The following PDE4D variants were observed in gnomAD, a reference collection of about 807,000 sequenced individuals.
PDE4D encodes the protein phosphodiesterase 4D, also known as 3',5'-cyclic-AMP phosphodiesterase 4D.
In PDE4D, 24 loss-of-function variants were observed where a neutral mutation model predicts 87.4. The observed-to-expected ratio is 0.27, with a 90% CI of 0.20 to 0.39. The LOEUF is 0.39. Ranked by LOEUF, PDE4D falls within the 10% of genes least tolerant of loss-of-function variation. The probability of loss-of-function intolerance (pLI) is 1.00; values close to 1 mark genes in which losing one functional copy is unlikely to be tolerated. For missense variants in PDE4D, 714 were observed against 1,041.0 expected (o/e 0.69, Z 4.32); for synonymous variants, 384 against 383.2 (o/e 1.00, Z -0.02).
intron 7 of PDE4D, among the ~76,000 whole-genome samples, chr5:58,992,492 G>A (rs989254697): frequency 6.6e-6 from 1 of 152,104 alleles, no homozygotes; most frequent in African/African-American, 2.4e-5. Context: ...AACTGAAATG[G>A]GTAACACTGT....
intron 2 of PDE4D, among the ~76,000 whole-genome samples, chr5:60,041,874 G>A (rs1277757935): frequency 6.6e-6 from 1 of 151,418 alleles, no homozygotes; most frequent in Non-Finnish European, 1.5e-5. Flanking sequence ...CAACTGGGTG[G>A]CTGTTTGGGC....
At chr5:59,867,704 G>C (rs1411725978) in intron 1 of PDE4D, among the ~76,000 whole-genome samples, 12 of 152,170 alleles carry the variant, frequency 7.9e-5, no homozygotes, top group Admixed American at 7.9e-4. Flanking sequence ...CAGGAGTCTG[G>C]TGAAATTATG....
intron 1 of PDE4D, among the ~76,000 whole-genome samples, chr5:59,296,113 G>A (rs954270121): frequency 6.6e-6 from 1 of 152,046 alleles, no homozygotes; most frequent in Non-Finnish European, 1.5e-5. Context: ...AAACAAGTTT[G>A]GGGTCGGGGT....
chr5:60,200,043 G>A (rs985572199), intron 1 of PDE4D, among the ~76,000 whole-genome samples: 3 of 151,558 alleles, frequency 2.0e-5, no homozygotes, highest in African/African-American at 7.3e-5. Flanking sequence ...TTGGAAAATG[G>A]CACATGAACC....
intron 2 of PDE4D, chr5:60,127,621 T>C (rs992714474): frequency 4.6e-5 from 25 of 549,248 alleles, no homozygotes; most frequent in Non-Finnish European, 7.1e-5. Flanking sequence ...AAGAATTGGA[T>C]GACTGTTGAT....
At chr5:59,903,826 C>T (rs1044772412) in intron 3 of PDE4D, among the ~76,000 whole-genome samples, 5 of 152,058 alleles carry the variant, frequency 3.3e-5, no homozygotes, top group African/African-American at 1.2e-4. Flanking sequence ...CTGCAGTGTC[C>T]CAATACCTAG....
chr5:60,133,283 T>TTA (rs1779744146), intron 2 of PDE4D, among the ~76,000 whole-genome samples: 1 of 152,154 alleles, frequency 6.6e-6, no homozygotes, highest in Non-Finnish European at 1.5e-5. Context: ...TAGATATGGG[T>TTA]TAGAGTTCAT....
Position 59,093,523 on chromosome 5 carries a change from G to A in PDE4D, c.809-54552C>T, listed in dbSNP as rs545446385. On this transcript the variant is annotated intron_variant, in intron 5 of 14. Coordinates refer to ENST00000340635, the MANE Select transcript of PDE4D (RefSeq NM_001104631.2). ...GTTATATGCCCCAGGCGCAAATCTC[G>A]CAGGCAGAAAGTGGGGTACCCCCTA... Among the ~76,000 whole-genome samples, 11 of 152,292 alleles carry A rather than the reference G, an allele frequency of 7.2e-5. No individual in the cohort carries two copies. The South Asian group carries it at 2.3e-3, about 32-fold the overall frequency.
intron 1 of PDE4D, among the ~76,000 whole-genome samples, chr5:59,867,557 C>T (rs940088207): frequency 6.6e-6 from 1 of 152,052 alleles, no homozygotes; most frequent in African/African-American, 2.4e-5. Context: ...GTATTTCCTT[C>T]CTTTGACTTG....
intron 2 of PDE4D, among the ~76,000 whole-genome samples, chr5:60,170,015 T>C (rs1783274986): frequency 6.6e-6 from 1 of 152,038 alleles, no homozygotes; most frequent in South Asian, 2.1e-4. Context: ...TGCATTTTTC[T>C]TTCTTTTTTG....
chr5:60,224,437 G>C (rs558810226), intron 1 of PDE4D, among the ~76,000 whole-genome samples: 1 of 152,220 alleles, frequency 6.6e-6, no homozygotes, highest in Non-Finnish European at 1.5e-5. Context: ...TGGGTTGTGT[G>C]ATTCTGCTTC....
rs1752209553 is a variant in PDE4D at position 59,008,897 on chromosome 5, A to T, written c.922-15432T>A. On this transcript the variant is annotated intron_variant, in intron 6 of 14. Coordinates refer to ENST00000340635, the MANE Select transcript of PDE4D (RefSeq NM_001104631.2). The stretch of plus-strand genomic sequence containing the variant: ...AACACAATAAGAGGACAATCCAGTG[A>T]AAAGATGGTCAAAAGATTTGAACAA... Among the ~76,000 whole-genome samples the T allele has an allele frequency of 2.6e-5, 4 of 152,124 alleles. 1 individual carries two copies. The South Asian group carries it at 8.3e-4, about 31-fold the overall frequency.
At chr5:59,817,351 T>A (rs1164596526) in intron 1 of PDE4D, among the ~76,000 whole-genome samples, 1 of 152,170 alleles carries the variant, frequency 6.6e-6, no homozygotes, top group Admixed American at 6.5e-5. Flanking sequence ...GTGTCTTAGG[T>A]ATTAGGAATA....
chr5:60,077,213 T>A (rs1264300440), intron 2 of PDE4D, among the ~76,000 whole-genome samples: 5 of 152,158 alleles, frequency 3.3e-5, no homozygotes, highest in African/African-American at 4.8e-5. Flanking sequence ...AGTGGGGTGT[T>A]GGCAACAAGG....
chr5:60,269,218 A>C (rs1374830400), intron 1 of PDE4D, among the ~76,000 whole-genome samples: 2 of 152,216 alleles, frequency 1.3e-5, no homozygotes, highest in East Asian at 3.9e-4. Flanking sequence ...GAGGTAGGAG[A>C]ATCGCTTGAA....
intron 1 of PDE4D, among the ~76,000 whole-genome samples, chr5:59,326,432 T>C (rs1431826741): frequency 6.6e-6 from 1 of 151,834 alleles, no homozygotes; most frequent in Non-Finnish European, 1.5e-5. Context: ...GTCTATAGAG[T>C]AGCCCCCCCC....
intron 1 of PDE4D, among the ~76,000 whole-genome samples, chr5:60,423,470 A>G (rs37699): frequency 0.35 from 53,519 of 151,998 alleles, 10,001 homozygotes; most frequent in South Asian, 0.51. Context: ...AATGAAGGCA[A>G]AAATAAAGAT....
intron 3 of PDE4D, among the ~76,000 whole-genome samples, chr5:59,914,563 T>TGC (rs1283064786): frequency 7.0e-6 from 1 of 142,740 alleles, no homozygotes; most frequent in Non-Finnish European, 1.5e-5. Flanking sequence ...TGTGTGTGTG[T>TGC]GCATGTGCGT....
chr5:59,746,977 C>A (rs1317097303), intron 1 of PDE4D, among the ~76,000 whole-genome samples: 1 of 152,172 alleles, frequency 6.6e-6, no homozygotes, highest in African/African-American at 2.4e-5. Context: ...GGTCTCTCCT[C>A]TCAGTCTTTA....
Sources: gnomAD v4.1 joint callset for allele counts (sites outside exome capture counted in the v4.1 genomes callset) on GRCh38, gnomAD v4.1.1 for gene constraint, MANE v1.5 for transcripts, NCBI Gene and HGNC (gene_info 2026-07-23, HGNC 2026-07-21) for gene names.